MYO7A: variants seen among roughly 807,000 people sequenced by gnomAD.
MYO7A encodes the protein unconventional myosin-VIIa.
MYO7A carries 210 observed loss-of-function variants against 263.8 expected under a neutral mutation model. The observed-to-expected ratio is 0.80, with a 90% CI of 0.71 to 0.89. The LOEUF is 0.89. MYO7A is among the 40% of genes least tolerant of loss of function. The probability of loss-of-function intolerance (pLI) is 0.00; values close to 1 mark genes in which losing one functional copy is unlikely to be tolerated. For missense variants in MYO7A, 2,820 were observed against 2,968.3 expected (o/e 0.95, Z 1.16); for synonymous variants, 1,239 against 1,197.3 (o/e 1.03, Z -0.72).
chr11:77,213,124 G>A, intron 47 of MYO7A, 89 bp downstream of exon 47: 1 of 1,021,550 alleles, frequency 9.8e-7, no homozygotes, highest in South Asian at 1.5e-5. Context: ...AGCCCTCCTA[G>A]CCACCATCTA....
chr11:77,202,373 A>G lies in MYO7A; in HGVS notation c.5117A>G (p.Glu1706Gly). 6.4e-7 allele frequency: 1 copy of G among 1,560,570 alleles called. No homozygotes were observed. The highest frequency in any genetic ancestry group is 8.7e-7 in the Non-Finnish European group (1 of 1,151,896). ...TTGCAGCTGCGAACGGCGGAGCCCG[A>G]GGTGCGTGCCAAGCCCTACACGCTG... ...RLLQLRTAEP[E>G]VRAKPYTLEE... The change falls in exon 37 of 49, where the codon GAG becomes GGG. Residue 1706 changes from glutamate to glycine, a missense_variant. Glu to Gly is a moderately conservative substitution (Grantham distance 98, BLOSUM62 -2). Coordinates refer to ENST00000409709, the MANE Select transcript of MYO7A (RefSeq NM_000260.4).
rs147813996 is a variant in MYO7A, at chr11:77,133,036, A to G, written c.18+2384A>G. Among the ~76,000 whole-genome samples the G allele has an allele frequency of 2.5e-3, 382 of 152,228 alleles. 4 individuals carry two copies. In the East Asian group the frequency reaches 0.029, roughly 12 times the overall value. On this transcript the variant is annotated intron_variant, in intron 2 of 48. Transcript: ENST00000409709. ...CACCTACTATTCCCTGCCCTGGAGG[A>G]GTTCCCAGACCTATGTGGGGAGACA...
intron 2 of MYO7A, among the ~76,000 whole-genome samples, chr11:77,133,858 C>T (rs2135539562): frequency 6.6e-6 from 1 of 152,226 alleles, no homozygotes; most frequent in Non-Finnish European, 1.5e-5. Flanking sequence ...TTCTAAAGTA[C>T]TGTTTTGATT....
chr11:77,147,670 C>T (rs57877022), intron 3 of MYO7A, 128 bp from the exon 4 acceptor site: 2 of 1,208,540 alleles, frequency 1.7e-6, no homozygotes, highest in Admixed American at 2.0e-5. Context: ...CAGTGTCTGG[C>T]TGCCAGAGAG....
rs747742075 is a variant in MYO7A, at chr11:77,208,812, C to T, written c.6051+9C>T. The T allele has an allele frequency of 3.3e-6, 5 of 1,537,138 alleles. No individual in the cohort carries two copies. In the East Asian group the frequency reaches 9.7e-5, roughly 30 times the overall value. ...TCTTCCACTATTACCAGGTGGGCAC[C>T]TCTGCACTCTAGTTGCCTTCGTGCA... On this transcript the variant is annotated intron_variant, in intron 44 of 48. Coordinates refer to ENST00000409709, the MANE Select transcript of MYO7A (RefSeq NM_000260.4).
chr11:77,201,504 C>G lies in MYO7A; in HGVS notation c.4909C>G (p.His1637Asp), dbSNP rs887707747. ...CAAGGGAGACCTCATCATCCTGGAC[C>G]ATGACACGGGCGAGCAGGTCATGAA... ...FAKGDLIILD[H>D]DTGEQVMNSG... Residue 1637 changes from histidine to aspartate, a missense_variant, in exon 36 of 49, where the codon CAT (histidine) becomes GAT (aspartate). Coordinates refer to ENST00000409709, the MANE Select transcript of MYO7A (RefSeq NM_000260.4). 1 of 1,613,838 alleles carries G rather than the reference C, an allele frequency of 6.2e-7. No homozygotes were observed. The highest frequency in any genetic ancestry group is 8.5e-7 in the Non-Finnish European group (1 of 1,179,888).
At position 77,196,291 on chromosome 11, in the gene MYO7A, G is replaced by A. The variant is rs557944250; in HGVS notation, c.4324-1190G>A. On this transcript the variant is annotated intron_variant, in intron 32 of 48. Transcript: ENST00000409709. ...TGAGGCAGGAGAATCACTTGAACTCGGGAGGCGGAGGTTGCAGTGAGCCAA... is the reference window on the plus strand; with the variant it reads ...TGAGGCAGGAGAATCACTTGAACTCAGGAGGCGGAGGTTGCAGTGAGCCAA... Among the ~76,000 whole-genome samples, 362 of 152,110 alleles carry A rather than the reference G, an allele frequency of 2.4e-3. 3 individuals carry two copies. The highest frequency in any genetic ancestry group is 7.9e-3 in the African/African-American group (328 of 41,460).
chr11:77,150,301 T>C (rs1352220709), intron 4 of MYO7A, among the ~76,000 whole-genome samples: 5 of 152,170 alleles, frequency 3.3e-5, no homozygotes, highest in Admixed American at 1.3e-4. Flanking sequence ...CCGGTCCTCA[T>C]GCGAAGGAGT....
At chr11:77,132,657 T>G (rs962968420) in intron 2 of MYO7A, among the ~76,000 whole-genome samples, 1 of 152,044 alleles carries the variant, frequency 6.6e-6, no homozygotes, top group Admixed American at 6.5e-5. Flanking sequence ...TCCAACTAAT[T>G]TTTGTATTTT....
In MYO7A at chr11:77,161,120, C is replaced by T. The variant is rs113261636; in HGVS notation, c.1343+5C>T. The T allele has an allele frequency of 3.3e-5, 54 of 1,613,718 alleles. No individual in the cohort carries two copies. The highest frequency in any genetic ancestry group is 3.3e-4 in the African/African-American group (25 of 75,026). Reference sequence around the variant, plus strand: ...TGAGAACTTTGCTGTGAACAGGTACCGCGTGGGGCTCTGCTCATGGGAATT... The same window carrying T: ...TGAGAACTTTGCTGTGAACAGGTACTGCGTGGGGCTCTGCTCATGGGAATT... On this transcript the variant is annotated splice_donor_5th_base_variant and intron_variant, in intron 12 of 48. Coordinates refer to ENST00000409709, the MANE Select transcript of MYO7A (RefSeq NM_000260.4).
intron 48 of MYO7A, 56 bp downstream of exon 48, chr11:77,214,035 C>G (rs1295184807): frequency 1.2e-6 from 2 of 1,608,362 alleles, no homozygotes; most frequent in African/African-American, 1.3e-5. Context: ...GCAGCGTAGC[C>G]AGCCTCCCAG....
At chr11:77,166,850 A>T (rs1555072906) in intron 15 of MYO7A, among the ~76,000 whole-genome samples, 1 of 151,832 alleles carries the variant, frequency 6.6e-6, no homozygotes, top group Non-Finnish European at 1.5e-5. Context: ...CCCTCTCTCC[A>T]TGGTGGATTT....
chr11:77,161,217 C>G, intron 12 of MYO7A, 102 bp downstream of exon 12: 1 of 1,403,722 alleles, frequency 7.1e-7, no homozygotes, highest in Non-Finnish European at 9.9e-7. Context: ...GCTCCTGGCA[C>G]ACTCTGCCAG....
In MYO7A at chr11:77,174,789, C is replaced by T. The variant is rs878853236; in HGVS notation, c.1969C>T (p.Arg657Trp). Residue 657 changes from arginine (R) to tryptophan (W), a missense_variant, in exon 17 of 49, where the codon CGG (arginine) becomes TGG (tryptophan). Transcript: ENST00000409709. Reference protein sequence around the residue: ...FDRHLCVRQLRYSGMMETIRI... With the variant: ...FDRHLCVRQLWYSGMMETIRI... ...CCGGCACCTGTGCGTGCGCCAGCTGCGGTACTCAGGAATGATGGAGACCAT... is the reference window on the plus strand; with the variant it reads ...CCGGCACCTGTGCGTGCGCCAGCTGTGGTACTCAGGAATGATGGAGACCAT... 5.0e-6 allele frequency: 8 copies of T among 1,608,116 alleles called. No homozygotes were observed. The highest frequency in any genetic ancestry group is 6.8e-6 in the Non-Finnish European group (8 of 1,177,638).
At chr11:77,191,274 C>T (rs886617740) in intron 30 of MYO7A, 24 of 164,404 alleles carry the variant, frequency 1.5e-4, no homozygotes, top group African/African-American at 4.5e-4. Flanking sequence ...GAGCTGAGAT[C>T]GCACCACTGC....
At chr11:77,161,715 C>A (rs1555068913) in intron 12 of MYO7A, among the ~76,000 whole-genome samples, 1 of 152,216 alleles carries the variant, frequency 6.6e-6, no homozygotes, top group African/African-American at 2.4e-5. Flanking sequence ...GTCTTGTCAA[C>A]CCCCTTCCCA....
At chr11:77,157,098 T>C in intron 7 of MYO7A, 94 bp downstream of exon 7, 1 of 1,528,392 alleles carries the variant, frequency 6.5e-7, no homozygotes, top group Non-Finnish European at 8.9e-7. Context: ...CCCGTATTGC[T>C]CCCCCACCTG....
At chr11:77,142,424 GAGAGCT>G in intron 2 of MYO7A, 1 of 412,984 alleles carries the variant, frequency 2.4e-6, no homozygotes, top group Non-Finnish European at 4.8e-6. Context: ...GATCCATGGG[GAGAGCT>G]GGGCTTTGAG....
intron 17 of MYO7A, 37 bp downstream of exon 17, chr11:77,174,951 G>T (rs782652379): frequency 3.7e-5 from 59 of 1,596,190 alleles, no homozygotes; most frequent in Admixed American, 1.7e-4. Flanking sequence ...GGAGGGGAGG[G>T]TCCCAGCTTT....
Sources: allele counts gnomAD v4.1 joint callset (sites outside exome capture counted in the v4.1 genomes callset), GRCh38; gene constraint gnomAD v4.1.1; transcripts MANE v1.5; gene names NCBI Gene and HGNC (gene_info 2026-07-23, HGNC 2026-07-21).